The following EYS variants were observed in gnomAD, a reference collection of about 807,000 sequenced individuals.
The protein encoded by EYS is EGF-like photoreceptor maintenance factor, also known as protein eyes shut homolog.
In EYS, 250 loss-of-function variants were observed where a neutral mutation model predicts 282.1. The ratio of observed to expected loss-of-function variants is 0.89; its 90% CI spans 0.80 to 0.98. The LOEUF is 0.98. EYS is among the 50% of genes least tolerant of loss of function. EYS has a pLI of 0.00. For missense variants in EYS, 4,016 were observed against 3,709.0 expected, an observed-to-expected ratio of 1.08 and a Z score of -2.15; for synonymous variants, 1,355 against 1,282.9, an observed-to-expected ratio of 1.06 and a Z score of -1.20.
chr6:64,953,225 CAT>C (rs1279383687), intron 14 of EYS, among the ~76,000 whole-genome samples: 15 of 151,716 alleles, frequency 9.9e-5, no homozygotes, highest in South Asian at 2.1e-4. Context: ...TTTTTACTAA[CAT>C]GTGTGCTTTG....
At chr6:65,059,648 T>G (rs1014114187) in intron 12 of EYS, among the ~76,000 whole-genome samples, 1 of 152,006 alleles carries the variant, frequency 6.6e-6, no homozygotes, top group Non-Finnish European at 1.5e-5. Flanking sequence ...AATTATTGGG[T>G]TCTGAAGTAA....
intron 35 of EYS, among the ~76,000 whole-genome samples, chr6:63,887,956 G>C (rs543673855): frequency 2.8e-4 from 43 of 152,252 alleles, no homozygotes; most frequent in African/African-American, 1.0e-3. Flanking sequence ...AGAGCTTGGT[G>C]GGGGGAGGGG....
intron 26 of EYS, among the ~76,000 whole-genome samples, chr6:64,548,376 A>G (rs111728404): frequency 6.6e-6 from 1 of 152,108 alleles, no homozygotes; most frequent in Non-Finnish European, 1.5e-5. Context: ...GACACATGAA[A>G]ACGTATGTTT....
At chr6:65,160,996 C>T (rs959071600) in intron 12 of EYS, among the ~76,000 whole-genome samples, 1 of 150,742 alleles carries the variant, frequency 6.6e-6, no homozygotes, top group Non-Finnish European at 1.5e-5. Flanking sequence ...TTTTCTACAT[C>T]TACACTGATT....
intron 2 of EYS, among the ~76,000 whole-genome samples, chr6:65,559,395 AAAAG>A (rs1184274866): frequency 6.6e-6 from 1 of 152,052 alleles, no homozygotes; most frequent in African/African-American, 2.4e-5. Context: ...AGAAAAAAAG[AAAAG>A]AAAGAAAAGA....
chr6:64,340,362 C>T (rs544539979), intron 29 of EYS, among the ~76,000 whole-genome samples: 25 of 151,768 alleles, frequency 1.6e-4, no homozygotes, highest in African/African-American at 5.6e-4. Context: ...GACACTAGTA[C>T]AAAAACAGAC....
intron 22 of EYS, among the ~76,000 whole-genome samples, chr6:64,705,720 C>T (rs988226738): frequency 2.7e-5 from 4 of 150,878 alleles, no homozygotes; most frequent in South Asian, 2.1e-4. Context: ...AGTAAACTAT[C>T]GCAAGAACAA....
At chr6:64,525,911 C>G (rs1777902404) in intron 26 of EYS, among the ~76,000 whole-genome samples, 1 of 151,688 alleles carries the variant, frequency 6.6e-6, no homozygotes, top group Admixed American at 6.6e-5. Flanking sequence ...ACACAACCAC[C>G]TGTACACAAT....
chr6:65,262,870 C>G (rs1410862851), intron 12 of EYS, among the ~76,000 whole-genome samples: 2 of 152,042 alleles, frequency 1.3e-5, no homozygotes, highest in African/African-American at 4.8e-5. Context: ...CAGTAACTGT[C>G]CATCATATAG....
intron 28 of EYS, among the ~76,000 whole-genome samples, chr6:64,434,763 T>C (rs1218948737): frequency 1.3e-5 from 2 of 152,122 alleles, no homozygotes; most frequent in Admixed American, 6.6e-5. Context: ...TACATTCATA[T>C]ATGTAATACA....
intron 40 of EYS, among the ~76,000 whole-genome samples, chr6:63,765,075 G>A (rs1769752747): frequency 6.6e-6 from 1 of 152,006 alleles, no homozygotes; most frequent in Admixed American, 6.6e-5. Context: ...AGAAGTATGT[G>A]TGTGAGGTGA....
At chr6:64,941,884 A>G (rs143365139) in intron 15 of EYS, among the ~76,000 whole-genome samples, 2 of 152,092 alleles carry the variant, frequency 1.3e-5, no homozygotes, top group East Asian at 1.9e-4. Flanking sequence ...GGTTAGTTCT[A>G]TGTCTTTGCT....
intron 32 of EYS, among the ~76,000 whole-genome samples, chr6:64,080,007 T>G (rs1382326383): frequency 1.3e-5 from 2 of 152,218 alleles, no homozygotes; most frequent in African/African-American, 2.4e-5. Context: ...TTTGCTATTG[T>G]GAATAGTGCC....
intron 35 of EYS, among the ~76,000 whole-genome samples, chr6:63,945,569 T>C (rs750397814): frequency 1.3e-5 from 2 of 152,190 alleles, no homozygotes; most frequent in African/African-American, 2.4e-5. Context: ...ACCACACATA[T>C]GCAAAAGTAC....
chr6:64,757,843 G>A (rs1439515017), intron 22 of EYS, among the ~76,000 whole-genome samples: 1 of 150,212 alleles, frequency 6.7e-6, no homozygotes. Flanking sequence ...GAAGTGCACT[G>A]GCGCGATCTC....
chr6:65,221,584 C>CA (rs1187474004), intron 12 of EYS, among the ~76,000 whole-genome samples: 5 of 152,202 alleles, frequency 3.3e-5, no homozygotes, highest in Non-Finnish European at 7.3e-5. Context: ...AAGTTTGCTG[C>CA]AGGGGCAGGG....
chr6:64,264,808 G>A (rs958396445), intron 30 of EYS, among the ~76,000 whole-genome samples: 4 of 152,046 alleles, frequency 2.6e-5, no homozygotes, highest in African/African-American at 9.7e-5. Context: ...AGAGGCTGAG[G>A]CAGAAGAATC....
At chr6:64,590,193 A>C (rs1399548827) in intron 26 of EYS, 30 bp downstream of exon 26, 3 of 1,484,062 alleles carry the variant, frequency 2.0e-6, no homozygotes, top group Non-Finnish European at 1.8e-6. Flanking sequence ...CATTTCTAAA[A>C]GTTTACTGAA....
intron 26 of EYS, among the ~76,000 whole-genome samples, chr6:64,535,340 C>A (rs1562046837): frequency 6.6e-6 from 1 of 152,068 alleles, no homozygotes; most frequent in Non-Finnish European, 1.5e-5. Context: ...GAACAAATCT[C>A]ATTATGTCAA....
Sources: gnomAD v4.1 joint callset for allele counts (sites outside exome capture counted in the v4.1 genomes callset) on GRCh38, gnomAD v4.1.1 for gene constraint, MANE v1.5 for transcripts, NCBI Gene and HGNC (gene_info 2026-07-23, HGNC 2026-07-21) for gene names.